NAALADL1: variants seen among roughly 807,000 people sequenced by gnomAD.
NAALADL1 encodes the protein aminopeptidase NAALADL1.
Under a neutral mutation model 82.8 loss-of-function variants are expected in NAALADL1, and 77 were observed. The ratio of observed to expected loss-of-function variants is 0.93; its 90% CI spans 0.77 to 1.12. The LOEUF (loss-of-function observed/expected upper bound fraction) is 1.12. Among genes scored for constraint, NAALADL1 ranks in the 50% most tolerant of loss-of-function variants. The pLI, the probability that NAALADL1 is intolerant of heterozygous loss-of-function variation, is 0.00. For missense variants in NAALADL1, 956 were observed against 964.0 expected (o/e 0.99, Z 0.11); for synonymous variants, 358 against 399.2 (o/e 0.90, Z 1.23).
At position 65,045,037 on chromosome 11, in the gene NAALADL1, T is replaced by C. The variant is rs1234330506; in HGVS notation, c.*234A>G. 2 of 616,444 alleles carry C rather than the reference T, an allele frequency of 3.2e-6. No individual in the cohort carries two copies. Among genetic ancestry groups the C allele is most frequent in the Admixed American group, 3.0e-5 (1 of 32,808 alleles). The allele number at this position is 616,444 out of a possible 1,614,324, so 38.2% of individuals were successfully genotyped here. On this transcript the variant is annotated 3_prime_UTR_variant, in exon 18 of 18. Coordinates refer to ENST00000358658, the MANE Select transcript of NAALADL1 (RefSeq NM_005468.3). ...CTGCCACCAAGGGCAGTTGGTGGTT[T>C]TGCCATCCCATCCCTGTCCCCTGCT... is the stretch of plus-strand genomic sequence containing the variant.
chr11:65,057,181 G>A (rs1947061536), intron 4 of NAALADL1, among the ~76,000 whole-genome samples, 190 bp downstream of exon 4: 1 of 152,212 alleles, frequency 6.6e-6, no homozygotes, highest in South Asian at 2.1e-4. Flanking sequence ...GAGAGGGTCA[G>A]GGAGGCATCC....
rs1469677863 is a variant in NAALADL1, at chr11:65,047,979, A to C, written c.1416+2T>G. On this transcript the variant is annotated splice_donor_variant, in intron 11 of 17. Transcript: ENST00000358658. LOFTEE classifies it high-confidence loss of function. ...AGCCCCGCCCGGCCTGCCCCCTTCC[A>C]CCTCTTTGGTTGCAGAGAAGACGAC... is the stretch of plus-strand genomic sequence containing the variant. 1 of 1,374,178 alleles carries C rather than the reference A, an allele frequency of 7.3e-7. No homozygotes were observed. 85.1% of individuals were successfully genotyped at this position (1,374,178 alleles called of 1,614,324 possible).
rs752214463 is a variant in NAALADL1, at chr11:65,054,587, TACTC to T, written c.751_754del (p.Glu251IlefsTer6). ...GTAGGGAGTCAGAGGGTCCCCAAAA[TACTC>T]GTAGTAGGAGCCTCGCTCCACTCCT... On this transcript the variant is annotated frameshift_variant, in exon 5 of 18. Transcript: ENST00000358658. LOFTEE classifies it high-confidence loss of function. This position sits in a 1 kb window ranked among gnomAD's most constrained non-coding sequence, Gnocchi z 4.3. 2 of 1,613,706 alleles carry T rather than the reference TACTC, an allele frequency of 1.2e-6. No homozygotes were observed. The highest frequency in any genetic ancestry group is 2.2e-5 in the East Asian group (1 of 44,868).
Position 65,054,134 on chromosome 11 carries a change from G to A in NAALADL1, c.992+116C>T. 1.1e-6 allele frequency: 1 copy of A among 925,968 alleles called. No homozygotes were observed. The highest frequency in any genetic ancestry group is 2.6e-5 in the East Asian group (1 of 39,160). 57.4% of individuals were successfully genotyped at this position (925,968 alleles called of 1,614,324 possible). On this transcript the variant is annotated intron_variant, in intron 6 of 17. Coordinates refer to ENST00000358658, the MANE Select transcript of NAALADL1 (RefSeq NM_005468.3). The surrounding 1 kb of genome is among the most constrained non-coding windows in gnomAD (Gnocchi z 4.3). The stretch of plus-strand genomic sequence containing the variant: ...TCAGGAGAGGGTCTGGGAGAGAGAG[G>A]AAAGGGAAAAAGGTCAGGCTTTGAA...
intron 8 of NAALADL1, among the ~76,000 whole-genome samples, chr11:65,049,518 T>A (rs1946829877): frequency 6.6e-6 from 1 of 152,074 alleles, no homozygotes; most frequent in South Asian, 2.1e-4. Context: ...TAAAGGAAAC[T>A]AGTAACCAGA....
chr11:65,050,969 G>A (rs1271271727), intron 8 of NAALADL1, among the ~76,000 whole-genome samples: 1 of 152,000 alleles, frequency 6.6e-6, no homozygotes, highest in Non-Finnish European at 1.5e-5. Flanking sequence ...TGGGATTATT[G>A]GCATGAGTCA....
intron 17 of NAALADL1, 142 bp from the exon 18 acceptor site, chr11:65,045,599 T>C (rs946818943): frequency 2.0e-6 from 2 of 1,009,280 alleles, no homozygotes; most frequent in African/African-American, 3.3e-5. Context: ...GCCAGGGAGC[T>C]CTTACAGCAG....
chr11:65,052,229 C>A (rs958868011), intron 8 of NAALADL1, among the ~76,000 whole-genome samples: 1 of 152,152 alleles, frequency 6.6e-6, no homozygotes, highest in Non-Finnish European at 1.5e-5. Flanking sequence ...CACTGCCCTC[C>A]ATCCTGGTCC....
Position 65,047,581 on chromosome 11 carries a change from G to A in NAALADL1, c.1509-16C>T. The A allele has an allele frequency of 6.4e-7, 1 of 1,573,936 alleles. No individual in the cohort carries two copies. The highest frequency in any genetic ancestry group is 1.3e-5 in the African/African-American group (1 of 74,266). On this transcript the variant is annotated splice_polypyrimidine_tract_variant and intron_variant, in intron 12 of 17. Transcript: ENST00000358658. ...AGAACCCAAGCTGCGGGAAGGAAGG[G>A]GGCCGGGATAAAGAGCGCTGGGCCG...
chr11:65,045,987 G>T, intron 16 of NAALADL1, 40 bp downstream of exon 16: 1 of 1,611,598 alleles, frequency 6.2e-7, no homozygotes, highest in East Asian at 2.2e-5. Flanking sequence ...TCCTGCCCTG[G>T]GTGCTGCCCT....
In NAALADL1 at chr11:65,048,209, AG is replaced by A. The variant is rs774171920; in HGVS notation, c.1290del (p.Phe431SerfsTer51). 18 of 1,613,482 alleles carry A rather than the reference AG, an allele frequency of 1.1e-5. No homozygotes were observed. The Admixed American group carries it at 3.0e-4, about 27-fold the overall frequency. ...LIGSTEFTEE[F>X]FNKLQERTVA... ...ACCGTGCGCTCCTGCAGCTTGTTGA[AG>A]AACTCCTGCGGGTGCGAGGGGCGAC... On this transcript the variant is annotated frameshift_variant, in exon 10 of 18. Coordinates refer to ENST00000358658, the MANE Select transcript of NAALADL1 (RefSeq NM_005468.3). LOFTEE classifies it high-confidence loss of function.
intron 8 of NAALADL1, among the ~76,000 whole-genome samples, chr11:65,052,064 C>A (rs750271669): frequency 1.4e-4 from 21 of 152,106 alleles, no homozygotes; most frequent in Admixed American, 7.2e-4. Flanking sequence ...TGGGAAGACC[C>A]AGATTCACAT....
Position 65,053,190 on chromosome 11 carries a change from C to T in NAALADL1, c.1198+28G>A, listed in dbSNP as rs1350015789. 6.6e-7 allele frequency: 1 copy of T among 1,513,870 alleles called. No individual in the cohort carries two copies. The highest frequency in any genetic ancestry group is 8.9e-7 in the Non-Finnish European group (1 of 1,128,986). The allele number at this position is 1,513,870 out of a possible 1,614,324, so 93.8% of individuals were successfully genotyped here. On this transcript the variant is annotated intron_variant, in intron 8 of 17. Coordinates refer to ENST00000358658, the MANE Select transcript of NAALADL1 (RefSeq NM_005468.3). This position sits in a 1 kb window ranked among gnomAD's most constrained non-coding sequence, Gnocchi z 4.3. ...AAGGGGACCTCCGGGGGCGAAGGTC[C>T]CTGGTCCAGGGGAGGGGGCCGCCTC...
At chr11:65,045,698 C>A in intron 17 of NAALADL1, 124 bp downstream of exon 17, 2 of 1,030,630 alleles carry the variant, frequency 1.9e-6, no homozygotes. Context: ...GCCTTACATT[C>A]CCATCTTCTT....
rs57117678 is a variant in NAALADL1 at position 65,055,760 on chromosome 11, T to A, written c.604-1022A>T. On this transcript the variant is annotated intron_variant, in intron 4 of 17. Transcript: ENST00000358658. ...GGTAGTGGTGATGGTTAATTAATAA[T>A]CTGTGTATTTCTACACTGCTTGTTC... Among the ~76,000 whole-genome samples the A allele has an allele frequency of 1.0e-3, 156 of 152,324 alleles. 1 individual carries two copies. In the East Asian group the frequency reaches 0.016, roughly 16 times the overall value.
chr11:65,058,175 C>G lies in NAALADL1; in HGVS notation c.261G>C (p.Trp87Cys). 6.2e-7 allele frequency: 1 copy of G among 1,613,920 alleles called. No homozygotes were observed. Among genetic ancestry groups the G allele is most frequent in the Non-Finnish European group, 8.5e-7 (1 of 1,179,938 alleles). ...EDLVQLLLQRWKDPESGLDSA... is the reference protein window; with the variant it reads ...EDLVQLLLQRCKDPESGLDSA... ...AGTCCAGGCCTGACTCTGGGTCCTT[C>G]CAGCGCTGCAGCAGCAGCTGCACCA... The change falls in exon 2 of 18, where the codon TGG becomes TGC. Residue 87 changes from tryptophan (W) to cysteine (C), a missense_variant. Transcript: ENST00000358658.
Position 65,046,367 on chromosome 11 carries a change from G to A in NAALADL1, c.1682-5C>T, listed in dbSNP as rs756373167. 5.0e-6 allele frequency: 8 copies of A among 1,614,074 alleles called. No homozygotes were observed. Among genetic ancestry groups the A allele is most frequent in the South Asian group, 4.4e-5 (4 of 91,084 alleles). ...CAGCCTGATGGCTGCTGAAGCCTGC[G>A]GCAAGGTGACAAGGCCAGGGCTCAG... On this transcript the variant is annotated splice_region_variant and splice_polypyrimidine_tract_variant and intron_variant, in intron 14 of 17. Coordinates refer to ENST00000358658, the MANE Select transcript of NAALADL1 (RefSeq NM_005468.3).
Position 65,047,691 on chromosome 11 carries a change from G to T in NAALADL1, c.1464C>A (p.Ile488=). The change falls in exon 12 of 18, where the codon ATC becomes ATA. Residue 488 remains isoleucine (I), a synonymous_variant. Transcript: ENST00000358658. ...PGDLSIYDNW[I]RYFNRSSPVY... ...CCGGGCTGCTGCGGTTGAAGTACCGGATCCAGTTGTCGTAGATGCTCAGGT... is the reference window on the plus strand; with the variant it reads ...CCGGGCTGCTGCGGTTGAAGTACCGTATCCAGTTGTCGTAGATGCTCAGGT... The T allele has an allele frequency of 6.2e-7, 1 of 1,608,528 alleles. No individual in the cohort carries two copies. The highest frequency in any genetic ancestry group is 8.5e-7 in the Non-Finnish European group (1 of 1,178,236).
At chr11:65,056,663 C>T (rs1211623017) in intron 4 of NAALADL1, among the ~76,000 whole-genome samples, 3 of 151,182 alleles carry the variant, frequency 2.0e-5, no homozygotes, top group African/African-American at 2.4e-5. Flanking sequence ...TGCCTTGGCC[C>T]CGCAAAGTGC....
Sources: allele counts gnomAD v4.1 joint callset (sites outside exome capture counted in the v4.1 genomes callset), GRCh38; gene constraint gnomAD v4.1.1; non-coding constraint Gnocchi (gnomAD v3.1); transcripts MANE v1.5; gene names NCBI Gene and HGNC (gene_info 2026-07-23, HGNC 2026-07-21).